Variants in PPP3CC observed in about 807,000 individuals in gnomAD.
The protein encoded by PPP3CC is serine/threonine-protein phosphatase 2B catalytic subunit gamma isoform.
Under a neutral mutation model 60.3 loss-of-function variants are expected in PPP3CC, and 35 were observed. The ratio of observed to expected loss-of-function variants is 0.58; its 90% CI spans 0.44 to 0.77. PPP3CC has a LOEUF of 0.77. PPP3CC is among the 30% of genes least tolerant of loss of function. PPP3CC has a pLI of 0.00. For missense variants in PPP3CC, 570 were observed against 628.9 expected (o/e 0.91, Z 1.00); for synonymous variants, 206 against 224.3 (o/e 0.92, Z 0.73).
chr8:22,480,820 T>G (rs1229932483), intron 3 of PPP3CC, among the ~76,000 whole-genome samples: 2 of 152,144 alleles, frequency 1.3e-5, no homozygotes, highest in Non-Finnish European at 2.9e-5. Flanking sequence ...TTGAGGCTGG[T>G]CACAGTGGCT....
chr8:22,500,223 A>G (rs1248070335), intron 4 of PPP3CC, among the ~76,000 whole-genome samples: 2 of 152,216 alleles, frequency 1.3e-5, no homozygotes, highest in Non-Finnish European at 2.9e-5. Context: ...TACTGAAATA[A>G]AAGCAAAATT....
At chr8:22,478,385 C>T (rs549158844) in intron 3 of PPP3CC, among the ~76,000 whole-genome samples, 1 of 152,218 alleles carries the variant, frequency 6.6e-6, no homozygotes, top group East Asian at 1.9e-4. Context: ...CTCCTGAACT[C>T]GTTATCCACC....
rs568766943 is a variant in PPP3CC, at chr8:22,483,166, G to T, written c.372+7542G>T. On this transcript the variant is annotated intron_variant, in intron 3 of 13. Transcript: ENST00000240139. ...TACTAAGAGAATGTCAATACTTTAAGAAAAGCCCTGTTCTACAATAGGAGA... is the reference window on the plus strand; with the variant it reads ...TACTAAGAGAATGTCAATACTTTAATAAAAGCCCTGTTCTACAATAGGAGA... Among the ~76,000 whole-genome samples the T allele has an allele frequency of 9.4e-4, 143 of 152,302 alleles. 1 individual carries two copies. The highest frequency in any genetic ancestry group is 3.2e-3 in the African/African-American group (132 of 41,576).
chr8:22,453,775 G>A (rs947218942), intron 1 of PPP3CC, among the ~76,000 whole-genome samples: 3 of 152,106 alleles, frequency 2.0e-5, no homozygotes, highest in Non-Finnish European at 4.4e-5. Flanking sequence ...TAATACTGTA[G>A]GCAACTGTAA....
intron 4 of PPP3CC, among the ~76,000 whole-genome samples, chr8:22,505,047 T>G (rs1442129787): frequency 1.5e-5 from 2 of 131,388 alleles, no homozygotes; most frequent in East Asian, 4.7e-4. Flanking sequence ...TTTTTTTTGA[T>G]AGGGAGTCTC....
intron 1 of PPP3CC, among the ~76,000 whole-genome samples, chr8:22,452,538 C>T (rs746411197): frequency 1.3e-5 from 2 of 151,916 alleles, no homozygotes; most frequent in Non-Finnish European, 2.9e-5. Context: ...CTCTGTTAGC[C>T]GGCTGAAGAA....
chr8:22,524,757 T>A (rs751271417), intron 8 of PPP3CC, among the ~76,000 whole-genome samples: 2 of 152,232 alleles, frequency 1.3e-5, no homozygotes, highest in African/African-American at 4.8e-5. Flanking sequence ...ACACGCCACC[T>A]AAGTCAGCAG....
At chr8:22,484,887 G>T (rs1838177482) in intron 3 of PPP3CC, among the ~76,000 whole-genome samples, 1 of 152,206 alleles carries the variant, frequency 6.6e-6, no homozygotes, top group East Asian at 1.9e-4. Flanking sequence ...ATAAGAGGAG[G>T]CAGAGCGGGA....
chr8:22,540,588 C>G, intron 13 of PPP3CC, 27 bp from the exon 14 acceptor site: 2 of 1,603,890 alleles, frequency 1.2e-6, no homozygotes. Context: ...ATTGAGCTCT[C>G]TCCACCTGCT....
intron 10 of PPP3CC, chr8:22,531,318 C>G: frequency 2.6e-6 from 4 of 1,532,008 alleles, no homozygotes; most frequent in Non-Finnish European, 2.6e-6. Context: ...ACATTCCAAG[C>G]TATCAGAAAG....
At position 22,474,988 on chromosome 8, in the gene PPP3CC, C is replaced by T. The variant is rs1407335381; in HGVS notation, c.84C>T (p.Phe28=). 1 of 1,606,842 alleles carries T rather than the reference C, an allele frequency of 6.2e-7. No individual in the cohort carries two copies. The highest frequency in any genetic ancestry group is 8.5e-7 in the Non-Finnish European group (1 of 1,175,778). The part of the protein sequence containing the change: ...VPFPPTQRLT[F]KEVFENGKPK... ...TTCCTCCAACCCAACGGCTTACTTTCAAGGAAGTATTTGAGAATGGGAAAC... is the reference window on the plus strand; with the variant it reads ...TTCCTCCAACCCAACGGCTTACTTTTAAGGAAGTATTTGAGAATGGGAAAC... Residue 28 remains phenylalanine (F), a synonymous_variant, in exon 2 of 14, where the codon TTC becomes TTT. Transcript: ENST00000240139.
At position 22,497,275 on chromosome 8, in the gene PPP3CC, C is replaced by G. The variant is rs557523361; in HGVS notation, c.373-726C>G. 2.0e-5 allele frequency among the ~76,000 whole-genome samples: 3 copies of G among 151,782 alleles called. No individual in the cohort carries two copies. In the South Asian group the frequency reaches 6.2e-4, roughly 32 times the overall value. ...AACTCCCGACCTCCGGTGATCTGCC[C>G]GCCTTGGCCTCCCAAAGTGCTGAGA... is the stretch of plus-strand genomic sequence containing the variant. On this transcript the variant is annotated intron_variant, in intron 3 of 13. Transcript: ENST00000240139.
At chr8:22,535,892 C>T (rs1285421008) in intron 12 of PPP3CC, among the ~76,000 whole-genome samples, 6 of 152,122 alleles carry the variant, frequency 3.9e-5, no homozygotes, top group South Asian at 2.1e-4. Flanking sequence ...CCGCCATGCC[C>T]GGATAATTTT....
chr8:22,441,477 C>G lies in PPP3CC; in HGVS notation c.49+19C>G. Reference sequence around the variant, plus strand: ...ATCAAAGGTGCCTGGCGGGCCGGGCCTTCCTCTGGGACCCGCGGGAAACGG... The same window carrying G: ...ATCAAAGGTGCCTGGCGGGCCGGGCGTTCCTCTGGGACCCGCGGGAAACGG... On this transcript the variant is annotated intron_variant, in intron 1 of 13. Transcript: ENST00000240139. 1 of 1,526,378 alleles carries G rather than the reference C, an allele frequency of 6.6e-7. No homozygotes were observed. The highest frequency in any genetic ancestry group is 8.8e-7 in the Non-Finnish European group (1 of 1,135,178). The allele number at this position is 1,526,378 out of a possible 1,614,324, so 94.6% of individuals were successfully genotyped here.
chr8:22,487,646 C>G (rs769366517), intron 3 of PPP3CC, among the ~76,000 whole-genome samples: 30 of 151,784 alleles, frequency 2.0e-4, no homozygotes, highest in Non-Finnish European at 3.4e-4. Flanking sequence ...AAAATAAAAA[C>G]AAAGTGCTTC....
chr8:22,538,945 C>G (rs2117164483), intron 12 of PPP3CC, among the ~76,000 whole-genome samples: 1 of 152,224 alleles, frequency 6.6e-6, no homozygotes, highest in Non-Finnish European at 1.5e-5. Context: ...CTATTTTTCT[C>G]TCCTTCCAAA....
intron 1 of PPP3CC, among the ~76,000 whole-genome samples, chr8:22,457,019 T>C (rs570182322): frequency 3.2e-3 from 56 of 17,640 alleles, no homozygotes; most frequent in South Asian, 0.016. Flanking sequence ...CTCCCTCCCT[T>C]CCTCCCTTCC....
chr8:22,484,640 T>G (rs1219497723), intron 3 of PPP3CC, among the ~76,000 whole-genome samples: 2 of 152,252 alleles, frequency 1.3e-5, no homozygotes, highest in East Asian at 3.8e-4. Context: ...TGAATTATCT[T>G]CTAACAAGGT....
chr8:22,521,075 G>A (rs1839393534), intron 6 of PPP3CC, among the ~76,000 whole-genome samples: 2 of 152,294 alleles, frequency 1.3e-5, no homozygotes, highest in African/African-American at 4.8e-5. Flanking sequence ...ACCACTAGGG[G>A]CATGGACAAG....
Sources: gnomAD v4.1 joint callset for allele counts (sites outside exome capture counted in the v4.1 genomes callset) on GRCh38, gnomAD v4.1.1 for gene constraint, MANE v1.5 for transcripts, NCBI Gene and HGNC (gene_info 2026-07-23, HGNC 2026-07-21) for gene names.